ABLIM1: variants seen among roughly 807,000 people sequenced by gnomAD.
ABLIM1 encodes actin-binding LIM protein 1.
In ABLIM1, 40 loss-of-function variants were observed where a neutral mutation model predicts 107.0. That is an observed-to-expected ratio of 0.37 (90% CI 0.29 to 0.49). The LOEUF (loss-of-function observed/expected upper bound fraction) is 0.49. Among genes scored for constraint, ABLIM1 ranks in the 20% least tolerant of loss-of-function variants. The pLI, the probability that ABLIM1 is intolerant of heterozygous loss-of-function variation, is 0.97. For missense variants in ABLIM1, 857 were observed against 1,008.5 expected (o/e 0.85, Z 2.04); for synonymous variants, 357 against 357.3 (o/e 1.00, Z 0.01).
chr10:114,734,233 C>A (rs1381243407), intron 1 of ABLIM1, among the ~76,000 whole-genome samples: 1 of 152,152 alleles, frequency 6.6e-6, no homozygotes, highest in Admixed American at 6.6e-5. Flanking sequence ...TGCCCCAGCT[C>A]CTTGTCACCT....
rs78607556 is a variant in ABLIM1, at chr10:114,665,377, A to G, written c.64+18913T>C. Among the ~76,000 whole-genome samples, 1,455 of 152,306 alleles carry G rather than the reference A, an allele frequency of 9.6e-3. 27 individuals are homozygous for G. Among genetic ancestry groups the G allele is most frequent in the African/African-American group, 0.034 (1,397 of 41,562 alleles). Reference sequence around the variant, plus strand: ...ATACTGGTGTTCCATCTGGGCCTTGAAGACAAACTAAGGGAATAAAGAGGT... The same window carrying G: ...ATACTGGTGTTCCATCTGGGCCTTGGAGACAAACTAAGGGAATAAAGAGGT... On this transcript the variant is annotated intron_variant, in intron 1 of 23. Coordinates refer to the ABLIM1 transcript ENST00000369256.
intron 1 of ABLIM1, among the ~76,000 whole-genome samples, chr10:114,648,897 T>C (rs189215332): frequency 2.0e-5 from 3 of 152,148 alleles, no homozygotes; most frequent in African/African-American, 7.2e-5. Context: ...AGGAGAGGTC[T>C]GGAGAGACTC....
intron 1 of ABLIM1, among the ~76,000 whole-genome samples, chr10:114,718,089 G>GGAAT (rs2081737937): frequency 1.2e-5 from 1 of 86,464 alleles, no homozygotes; most frequent in Non-Finnish European, 2.9e-5. Flanking sequence ...AAGGAAGGAA[G>GGAAT]GAAGGAAAAG....
intron 4 of ABLIM1, among the ~76,000 whole-genome samples, chr10:114,566,736 T>C (rs1293588110): frequency 6.6e-6 from 1 of 152,200 alleles, no homozygotes; most frequent in Non-Finnish European, 1.5e-5. Context: ...CTGAAGTTGT[T>C]TGCGTCTATG....
rs1465286302 is a variant in ABLIM1, at chr10:114,431,896, A to G, written c.*4364T>C. ...AGTTTTCCATGATTAAACTTGCCCA[A>G]ATAAAAACATAACAATCCATATGCA... is the stretch of plus-strand genomic sequence containing the variant. On this transcript the variant is annotated 3_prime_UTR_variant, in exon 23 of 23. Coordinates refer to ENST00000533213, the MANE Select transcript of ABLIM1 (RefSeq NM_002313.7). The G allele has an allele frequency of 6.6e-6, 1 of 152,142 alleles. No homozygotes were observed. The highest frequency in any genetic ancestry group is 1.5e-5 in the Non-Finnish European group (1 of 68,030). 9.4% of individuals were successfully genotyped at this position (152,142 alleles called of 1,614,324 possible).
At chr10:114,613,254 G>A (rs538539179) in intron 1 of ABLIM1, among the ~76,000 whole-genome samples, 33 of 152,270 alleles carry the variant, frequency 2.2e-4, no homozygotes, top group Non-Finnish European at 3.4e-4. Context: ...ATTGTACTTC[G>A]AAAATCTTGA....
chr10:114,498,432 T>C (rs113954735), intron 6 of ABLIM1, among the ~76,000 whole-genome samples: 3,511 of 152,318 alleles, frequency 0.023, 121 homozygotes, highest in African/African-American at 0.078. Flanking sequence ...CCATGTAATA[T>C]GCTCCTGGGA....
chr10:114,685,210 T>C (rs767632708), upstream of ABLIM1, among the ~76,000 whole-genome samples: 7 of 152,342 alleles, frequency 4.6e-5, no homozygotes, highest in Middle Eastern at 3.4e-3. Context: ...TTGGAAAAGT[T>C]ATGAAGACAG....
At chr10:114,585,005 G>GT (rs145725697) in intron 2 of ABLIM1, among the ~76,000 whole-genome samples, 11,902 of 148,274 alleles carry the variant, frequency 0.08, 1,583 homozygotes, top group African/African-American at 0.28. Flanking sequence ...TTCTCACTCA[G>GT]TTTTTTTTTT....
At chr10:114,797,686 T>C in the ABLIM1 span, among the ~76,000 whole-genome samples, 1 of 152,242 alleles carries the variant, frequency 6.6e-6, no homozygotes, top group South Asian at 2.1e-4. Flanking sequence ...ACTAGCCACA[T>C]GTGGCTATTG....
chr10:114,721,476 G>A (rs541266947), intron 1 of ABLIM1, among the ~76,000 whole-genome samples: 1 of 151,860 alleles, frequency 6.6e-6, no homozygotes, highest in South Asian at 2.1e-4. Flanking sequence ...ATAGCTAAAT[G>A]CCCTGAGCAG....
At chr10:114,783,968 C>A in the ABLIM1 span, among the ~76,000 whole-genome samples, 1,493 of 151,956 alleles carry the variant, frequency 9.8e-3, 26 homozygotes, top group African/African-American at 0.033. Context: ...TCATGAGAGT[C>A]GTTTCTGGAC....
intron 4 of ABLIM1, among the ~76,000 whole-genome samples, chr10:114,562,145 G>T (rs1021579009): frequency 6.6e-6 from 1 of 152,148 alleles, no homozygotes; most frequent in Non-Finnish European, 1.5e-5. Context: ...TCAGGGGCTG[G>T]CTCCCTATAT....
chr10:114,638,136 TA>T (rs2078571507), intron 1 of ABLIM1, among the ~76,000 whole-genome samples: 1 of 152,226 alleles, frequency 6.6e-6, no homozygotes, highest in South Asian at 2.1e-4. Context: ...ATTCACATAG[TA>T]ATACACAAAG....
At position 114,708,981 on chromosome 10, in the gene ABLIM1, C is replaced by T. The variant is rs146857565; in HGVS notation, c.-213+59080G>A. On this transcript the variant is annotated intron_variant, in intron 1 of 15. Transcript: ENST00000651092. ...GAATGGCACTGGTATTGGTACTTTT[C>T]GAGAAGCATTTTTTAAGAACTTGGC... Among the ~76,000 whole-genome samples, 16 of 152,218 alleles carry T rather than the reference C, an allele frequency of 1.1e-4. No individual in the cohort carries two copies. The East Asian group carries it at 2.1e-3, about 20-fold the overall frequency.
At chr10:114,676,315 A>G (rs1483174426) in intron 1 of ABLIM1, among the ~76,000 whole-genome samples, 3 of 152,262 alleles carry the variant, frequency 2.0e-5, no homozygotes, top group East Asian at 3.9e-4. Flanking sequence ...CGTCTCTACT[A>G]AAAATACAAA....
chr10:114,776,123 C>T, the ABLIM1 span: 1 of 151,776 alleles, frequency 6.6e-6, no homozygotes, highest in Non-Finnish European at 1.5e-5. Context: ...CACAAATAGT[C>T]CTGAGCATGA....
At chr10:114,644,466 G>C (rs1310122461) in intron 1 of ABLIM1, among the ~76,000 whole-genome samples, 4 of 150,976 alleles carry the variant, frequency 2.6e-5, no homozygotes, top group Non-Finnish European at 5.9e-5. Context: ...CTCAGGACAA[G>C]ATTTTCATTC....
At chr10:114,583,045 C>A (rs2073596933) in intron 2 of ABLIM1, among the ~76,000 whole-genome samples, 1 of 151,934 alleles carries the variant, frequency 6.6e-6, no homozygotes, top group African/African-American at 2.4e-5. Context: ...TTCTGCACAG[C>A]AAAACAAACT....
Sources: allele counts gnomAD v4.1 joint callset (sites outside exome capture counted in the v4.1 genomes callset), GRCh38; gene constraint gnomAD v4.1.1; transcripts MANE v1.5; gene names NCBI Gene and HGNC (gene_info 2026-07-23, HGNC 2026-07-21).